The following ADCK1 variants were observed in gnomAD, a reference collection of about 807,000 sequenced individuals.
ADCK1 encodes aarF domain containing kinase 1.
A neutral mutation model predicts 52.3 loss-of-function variants in ADCK1; 41 were observed. The observed-to-expected ratio is 0.78, with a 90% CI of 0.61 to 1.02. ADCK1 has a LOEUF of 1.02. Among genes scored for constraint, ADCK1 ranks in the 50% least tolerant of loss-of-function variants. The probability of loss-of-function intolerance (pLI) is 0.00; values close to 1 mark genes in which losing one functional copy is unlikely to be tolerated. For missense variants in ADCK1, 658 were observed against 679.5 expected (o/e 0.97, Z 0.35); for synonymous variants, 250 against 274.6 (o/e 0.91, Z 0.89).
chr14:77,808,246 T>C (rs1470590907), intron 1 of ADCK1, among the ~76,000 whole-genome samples: 3 of 152,048 alleles, frequency 2.0e-5, no homozygotes, highest in Non-Finnish European at 2.9e-5. Flanking sequence ...GGAGTTCTAA[T>C]TGGTGGGTTT....
chr14:77,816,797 T>A (rs1447168901), intron 1 of ADCK1, among the ~76,000 whole-genome samples: 3 of 149,758 alleles, frequency 2.0e-5, no homozygotes, highest in Non-Finnish European at 4.4e-5. Context: ...TGACTGATGT[T>A]GTGGGGGGAA....
intron 3 of ADCK1, among the ~76,000 whole-genome samples, chr14:77,857,920 C>G (rs532369919): frequency 6.6e-6 from 1 of 152,316 alleles, no homozygotes; most frequent in African/African-American, 2.4e-5. Flanking sequence ...CCCCATCCTG[C>G]CTCAGAGGCT....
At chr14:77,915,948 G>C (rs1351991911) in intron 7 of ADCK1, among the ~76,000 whole-genome samples, 1 of 152,200 alleles carries the variant, frequency 6.6e-6, no homozygotes, top group Non-Finnish European at 1.5e-5. Context: ...GCTTGGTACG[G>C]TGCCAGGCCC....
chr14:77,866,423 C>T (rs1312370831), intron 4 of ADCK1, among the ~76,000 whole-genome samples: 4 of 152,206 alleles, frequency 2.6e-5, no homozygotes, highest in Non-Finnish European at 5.9e-5. Flanking sequence ...TCAGCCTCTT[C>T]CCGCTACTTT....
chr14:77,832,974 C>G (rs963362595), intron 3 of ADCK1, among the ~76,000 whole-genome samples: 8 of 152,190 alleles, frequency 5.3e-5, no homozygotes, highest in Non-Finnish European at 1.0e-4. Flanking sequence ...TGAGCCTGCT[C>G]TGTGTCAGGT....
chr14:77,802,414 T>A (rs1220238358), intron 1 of ADCK1, among the ~76,000 whole-genome samples: 1 of 152,032 alleles, frequency 6.6e-6, no homozygotes, highest in African/African-American at 2.4e-5. Context: ...AGAATTATTT[T>A]TGTTGTCTAT....
intron 3 of ADCK1, among the ~76,000 whole-genome samples, chr14:77,857,099 G>A (rs192714233): frequency 6.7e-4 from 102 of 152,264 alleles, no homozygotes; most frequent in African/African-American, 2.2e-3. Flanking sequence ...GGAGGTGGGC[G>A]GATGGGCCCT....
chr14:77,891,478 G>A (rs1403908655), intron 5 of ADCK1, among the ~76,000 whole-genome samples: 2 of 150,298 alleles, frequency 1.3e-5, no homozygotes, highest in African/African-American at 2.4e-5. Context: ...CTTTTTCTTT[G>A]CGTTTTCTTG....
At chr14:77,852,704 T>TATATATATATC (rs2082325559) in intron 3 of ADCK1, among the ~76,000 whole-genome samples, 1 of 120,558 alleles carries the variant, frequency 8.3e-6, no homozygotes, top group African/African-American at 3.1e-5. Flanking sequence ...TATATATATA[T>TATATATATATC]TTCACTCCTC....
At chr14:77,869,414 G>A (rs571366141) in intron 4 of ADCK1, among the ~76,000 whole-genome samples, 1 of 152,188 alleles carries the variant, frequency 6.6e-6, no homozygotes, top group East Asian at 1.9e-4. Context: ...TCTTTATGTG[G>A]GTGTCTGGCT....
intron 1 of ADCK1, among the ~76,000 whole-genome samples, chr14:77,811,128 A>G (rs536956631): frequency 1.3e-5 from 2 of 151,936 alleles, no homozygotes; most frequent in African/African-American, 4.8e-5. Flanking sequence ...GCCACCTAGA[A>G]TGTTGGAAGT....
intron 9 of ADCK1, among the ~76,000 whole-genome samples, chr14:77,928,504 C>T (rs1368896324): frequency 1.3e-5 from 2 of 151,148 alleles, no homozygotes; most frequent in Non-Finnish European, 2.9e-5. Context: ...CTCTCTTGTC[C>T]AGGCTGGAGT....
chr14:77,933,488 C>A lies in ADCK1; in HGVS notation c.*97C>A. Reference sequence around the variant, plus strand: ...TGCTCCATTTTTGCCACATCGTGGCCCGCAGCCCCAGAGTCACTGTCCATG... The same window carrying A: ...TGCTCCATTTTTGCCACATCGTGGCACGCAGCCCCAGAGTCACTGTCCATG... On this transcript the variant is annotated 3_prime_UTR_variant, in exon 11 of 11. Coordinates refer to ENST00000238561, the MANE Select transcript of ADCK1 (RefSeq NM_020421.4). 1.4e-6 allele frequency: 2 copies of A among 1,455,864 alleles called. No homozygotes were observed. The highest frequency in any genetic ancestry group is 1.2e-5 in the South Asian group (1 of 82,556). 90.2% of individuals were successfully genotyped at this position (1,455,864 alleles called of 1,614,324 possible). A position where few individuals can be genotyped will look rare whatever the true frequency, so the allele number is the denominator to read the frequency against.
chr14:77,914,489 C>A, intron 7 of ADCK1: 1 of 985,420 alleles, frequency 1.0e-6, no homozygotes, highest in Non-Finnish European at 1.2e-6. Context: ...TCTCGAGCAG[C>A]TACCATGTGC....
At chr14:77,855,973 G>A (rs1393715417) in intron 3 of ADCK1, among the ~76,000 whole-genome samples, 2 of 152,088 alleles carry the variant, frequency 1.3e-5, no homozygotes, top group Admixed American at 6.5e-5. Flanking sequence ...GATTACACCC[G>A]CCAAGGTGGG....
At chr14:77,904,077 A>T (rs879387405) in intron 6 of ADCK1, among the ~76,000 whole-genome samples, 1 of 152,120 alleles carries the variant, frequency 6.6e-6, no homozygotes, top group Admixed American at 6.5e-5. Flanking sequence ...TTCACCCTCC[A>T]TATGGTTTTG....
intron 3 of ADCK1, among the ~76,000 whole-genome samples, chr14:77,828,447 A>G (rs1362657625): frequency 6.6e-6 from 1 of 152,170 alleles, no homozygotes; most frequent in Non-Finnish European, 1.5e-5. Context: ...CATGTTAATG[A>G]TATTCTATTT....
intron 7 of ADCK1, chr14:77,914,343 A>AGGGTTCGTGAAGGAGTC (rs2083866482): frequency 1.7e-5 from 16 of 917,662 alleles, no homozygotes; most frequent in Non-Finnish European, 2.0e-5. Flanking sequence ...GTGAAGGAGT[A>AGGGTTCGTGAAGGAGTC]GAGTCCGTGG....
At chr14:77,824,172 A>G (rs1448542446) in intron 3 of ADCK1, among the ~76,000 whole-genome samples, 1 of 152,166 alleles carries the variant, frequency 6.6e-6, no homozygotes, top group Non-Finnish European at 1.5e-5. Flanking sequence ...TGCTGGGAAA[A>G]CAGGTGTGAG....
Sources: gnomAD v4.1 joint callset for allele counts (sites outside exome capture counted in the v4.1 genomes callset) on GRCh38, gnomAD v4.1.1 for gene constraint, MANE v1.5 for transcripts, NCBI Gene and HGNC (gene_info 2026-07-23, HGNC 2026-07-21) for gene names.